DNAAF1: variants seen among roughly 807,000 people sequenced by gnomAD.
DNAAF1 encodes dynein assembly factor 1, axonemal.
Under a neutral mutation model 71.1 loss-of-function variants are expected in DNAAF1, and 65 were observed. The observed-to-expected ratio is 0.91, with a 90% CI of 0.75 to 1.12. The LOEUF (loss-of-function observed/expected upper bound fraction) is 1.12, where lower values mean the gene tolerates loss of function less well. Among genes scored for constraint, DNAAF1 ranks in the 50% most tolerant of loss-of-function variants. The probability of loss-of-function intolerance (pLI) is 0.00; values close to 1 mark genes in which losing one functional copy is unlikely to be tolerated. For missense variants in DNAAF1, 1,178 were observed against 899.8 expected (o/e 1.31, Z -3.96); for synonymous variants, 414 against 354.6 (o/e 1.17, Z -1.88).
chr16:84,168,033 C>T (rs1353596104), intron 7 of DNAAF1, among the ~76,000 whole-genome samples: 1 of 151,932 alleles, frequency 6.6e-6, no homozygotes, highest in Non-Finnish European at 1.5e-5. Flanking sequence ...AAAAAAAACC[C>T]CACAAATCTG....
intron 5 of DNAAF1, chr16:84,159,022 T>C (rs998515502): frequency 1.0e-6 from 1 of 986,878 alleles, no homozygotes; most frequent in Non-Finnish European, 1.2e-6. Flanking sequence ...TGAGCCACCA[T>C]GCCCAGCCCC....
chr16:84,161,348 C>T (rs1377919574), intron 6 of DNAAF1, among the ~76,000 whole-genome samples: 1 of 152,166 alleles, frequency 6.6e-6, no homozygotes, highest in Non-Finnish European at 1.5e-5. Flanking sequence ...CCCTTTAGAG[C>T]ATAGCCCAAG....
chr16:84,148,051 G>A (rs2086998038), intron 1 of DNAAF1, among the ~76,000 whole-genome samples: 1 of 151,792 alleles, frequency 6.6e-6, no homozygotes, highest in Non-Finnish European at 1.5e-5. Flanking sequence ...CTGGGGGATA[G>A]ACCAAGACGG....
At chr16:84,148,868 G>A in intron 1 of DNAAF1, 139 bp from the exon 2 acceptor site, 1 of 981,242 alleles carries the variant, frequency 1.0e-6, no homozygotes, top group South Asian at 1.4e-5. Context: ...GGGATTACAG[G>A]CCTGAGCCAC....
chr16:84,145,446 C>G lies in DNAAF1; in HGVS notation c.6C>G (p.His2Gln). 6.3e-7 allele frequency: 1 copy of G among 1,581,018 alleles called. No homozygotes were observed. The highest frequency in any genetic ancestry group is 8.6e-7 in the Non-Finnish European group (1 of 1,164,072). Reference sequence around the variant, plus strand: ...TCGGTGTCGCCGAAGTAAACATGCACCCTGAGCCCTCGGAGCCTGCGACAG... The same window carrying G: ...TCGGTGTCGCCGAAGTAAACATGCAGCCTGAGCCCTCGGAGCCTGCGACAG... M[H>Q]PEPSEPATGG... The change falls in exon 1 of 12, where the codon CAC (histidine) becomes CAG (glutamine). Residue 2 changes from histidine (H) to glutamine (Q), a missense_variant. By Grantham distance (24) the His-to-Gln change is conservative. Coordinates refer to ENST00000378553, the MANE Select transcript of DNAAF1 (RefSeq NM_178452.6).
intron 1 of DNAAF1, among the ~76,000 whole-genome samples, chr16:84,148,398 A>G (rs377125632): frequency 6.6e-6 from 1 of 151,998 alleles, no homozygotes; most frequent in Non-Finnish European, 1.5e-5. Flanking sequence ...ACCAGCCCCT[A>G]TGGATGGACA....
At chr16:84,153,158 T>C (rs779519892) in intron 3 of DNAAF1, among the ~76,000 whole-genome samples, 1 of 151,822 alleles carries the variant, frequency 6.6e-6, no homozygotes, top group African/African-American at 2.4e-5. Flanking sequence ...AAAAAAAAAA[T>C]CCTATCTTTT....
At chr16:84,160,797 T>A (rs1404062937) in intron 6 of DNAAF1, among the ~76,000 whole-genome samples, 1 of 150,170 alleles carries the variant, frequency 6.7e-6, no homozygotes, top group Admixed American at 6.6e-5. Flanking sequence ...TAGCCGGGCG[T>A]GGTGGTGGGC....
intron 1 of DNAAF1, among the ~76,000 whole-genome samples, chr16:84,147,426 A>C (rs2086965348): frequency 6.6e-6 from 1 of 152,160 alleles, no homozygotes; most frequent in Non-Finnish European, 1.5e-5. Context: ...AATGACCTTT[A>C]AAAAAATTAT....
At chr16:84,149,268 G>A in intron 2 of DNAAF1, 126 bp downstream of exon 2, 1 of 1,275,476 alleles carries the variant, frequency 7.8e-7, no homozygotes, top group South Asian at 1.2e-5. Context: ...GTCTGAGAAT[G>A]GAGTGAGGAT....
chr16:84,155,519 T>C, intron 4 of DNAAF1, 64 bp from the exon 5 acceptor site: 1 of 1,572,442 alleles, frequency 6.4e-7, no homozygotes, highest in Admixed American at 1.7e-5. Flanking sequence ...TATGAACCAC[T>C]GTGCCTGGCC....
At chr16:84,151,674 A>T (rs1043525048) in intron 3 of DNAAF1, among the ~76,000 whole-genome samples, 6 of 152,090 alleles carry the variant, frequency 3.9e-5, no homozygotes, top group African/African-American at 1.4e-4. Context: ...AGGGCCGGGA[A>T]CTCGGGAGTC....
At chr16:84,166,000 A>G (rs2151253315) in intron 7 of DNAAF1, 51 bp downstream of exon 7, 1 of 1,603,816 alleles carries the variant, frequency 6.2e-7, no homozygotes, top group Non-Finnish European at 8.5e-7. Flanking sequence ...GAGATTAGGC[A>G]AGTCTAAGCT....
intron 1 of DNAAF1, among the ~76,000 whole-genome samples, chr16:84,146,271 C>T (rs1018586132): frequency 3.3e-5 from 5 of 152,196 alleles, no homozygotes; most frequent in African/African-American, 1.2e-4. Flanking sequence ...CTTTCTCTCC[C>T]TCCAGACTGC....
At chr16:84,161,020 T>A (rs1321915282) in intron 6 of DNAAF1, among the ~76,000 whole-genome samples, 1 of 151,372 alleles carries the variant, frequency 6.6e-6, no homozygotes, top group Non-Finnish European at 1.5e-5. Flanking sequence ...GCCCCAGGTC[T>A]GGGGGTGGTA....
At position 84,170,068 on chromosome 16, in the gene DNAAF1, G is replaced by T. The variant is rs766064232; in HGVS notation, c.1240G>T (p.Gly414Trp). The change falls in exon 8 of 12, where the codon GGG becomes TGG. Residue 414 changes from glycine to tryptophan, a missense_variant. By Grantham distance (184) the Gly-to-Trp change is radical. Transcript: ENST00000378553. ...KREDGGPEPEGTLPAETLLLS... is the reference protein window; with the variant it reads ...KREDGGPEPEWTLPAETLLLS... Reference sequence around the variant, plus strand: ...AGAGGATGGAGGTCCAGAGCCAGAGGGGACCCTCCCAGCTGAGACCCTGCT... The same window carrying T: ...AGAGGATGGAGGTCCAGAGCCAGAGTGGACCCTCCCAGCTGAGACCCTGCT... 1 of 1,613,632 alleles carries T rather than the reference G, an allele frequency of 6.2e-7. No homozygotes were observed. The highest frequency in any genetic ancestry group is 8.5e-7 in the Non-Finnish European group (1 of 1,179,946).
chr16:84,168,862 C>T (rs2088168859), intron 7 of DNAAF1, among the ~76,000 whole-genome samples: 1 of 49,870 alleles, frequency 2.0e-5, no homozygotes, highest in African/African-American at 5.6e-5. Context: ...ACACACTTTG[C>T]TTTTCCCCTG....
chr16:84,164,344 T>C (rs533509253), intron 6 of DNAAF1, among the ~76,000 whole-genome samples: 1 of 152,216 alleles, frequency 6.6e-6, no homozygotes, highest in Non-Finnish European at 1.5e-5. Flanking sequence ...AGGTATCATG[T>C]CCTGTATCCC....
rs761828683 is a variant in DNAAF1 at position 84,169,995 on chromosome 16, C to G, written c.1167C>G (p.Leu389=). 6.1e-5 allele frequency: 98 copies of G among 1,613,860 alleles called. No homozygotes were observed. The highest frequency in any genetic ancestry group is 8.1e-5 in the Non-Finnish European group (95 of 1,180,052). ...VKESFEAKDE[L]CPEKPSGEEP... ...AAAGCTTTGAGGCCAAGGACGAGCT[C>G]TGCCCGGAAAAGCCAAGTGGAGAGG... Residue 389 remains leucine (L), a synonymous_variant, in exon 8 of 12, where the codon CTC becomes CTG. Transcript: ENST00000378553.
Sources: gnomAD v4.1 joint callset for allele counts (sites outside exome capture counted in the v4.1 genomes callset) on GRCh38, gnomAD v4.1.1 for gene constraint, MANE v1.5 for transcripts, NCBI Gene and HGNC (gene_info 2026-07-23, HGNC 2026-07-21) for gene names.